Variants in FER1L6 observed in about 807,000 individuals in gnomAD.
FER1L6 encodes the protein fer-1 like family member 6.
In FER1L6, 177 loss-of-function variants were observed where a neutral mutation model predicts 219.2. The observed-to-expected ratio is 0.81, with a 90% CI of 0.71 to 0.91. The LOEUF (loss-of-function observed/expected upper bound fraction) is 0.91, where lower values mean the gene tolerates loss of function less well. Ranked by LOEUF, FER1L6 falls within the 40% of genes least tolerant of loss-of-function variation. The pLI is 0.00. For missense variants in FER1L6, 2,153 were observed against 2,259.9 expected (o/e 0.95, Z 0.96); for synonymous variants, 768 against 824.3 (o/e 0.93, Z 1.17).
At chr8:123,895,178 AAAATTAAG>A (rs1341456058) in intron 1 of FER1L6, among the ~76,000 whole-genome samples, 1 of 152,214 alleles carries the variant, frequency 6.6e-6, no homozygotes, top group African/African-American at 2.4e-5. Flanking sequence ...CAGACACATA[AAAATTAAG>A]AGATGTTTTA....
intron 19 of FER1L6, among the ~76,000 whole-genome samples, chr8:124,038,039 A>G (rs550128655): frequency 3.3e-5 from 5 of 152,336 alleles, no homozygotes; most frequent in African/African-American, 9.6e-5. Context: ...TCCTGTGCAC[A>G]GACTTTCAAG....
chr8:123,950,945 G>C (rs1295445766), intron 1 of FER1L6, among the ~76,000 whole-genome samples: 1 of 152,150 alleles, frequency 6.6e-6, no homozygotes, highest in Non-Finnish European at 1.5e-5. Flanking sequence ...AAATAGAGAA[G>C]GTAGCCAATT....
intron 17 of FER1L6, among the ~76,000 whole-genome samples, chr8:124,022,539 C>G (rs1283891780): frequency 6.6e-6 from 1 of 152,168 alleles, no homozygotes; most frequent in Non-Finnish European, 1.5e-5. Flanking sequence ...ATTCTAATTT[C>G]CTGTGCAATT....
At chr8:123,931,155 A>G (rs562392416) in intron 1 of FER1L6, among the ~76,000 whole-genome samples, 1 of 152,244 alleles carries the variant, frequency 6.6e-6, no homozygotes, top group Middle Eastern at 3.4e-3. Flanking sequence ...AGTATCTCTT[A>G]TTGTATCTCA....
chr8:124,113,259 A>T lies in FER1L6; in HGVS notation c.5290-5585A>T, dbSNP rs150805263. Among the ~76,000 whole-genome samples the T allele has an allele frequency of 6.4e-3, 973 of 152,046 alleles. 6 individuals carry two copies. Among genetic ancestry groups the T allele is most frequent in the African/African-American group, 0.018 (745 of 41,472 alleles). ...GATCAGCCATAGATCCACCACCAAGATTCAACACTTGCTAATATTTTGCCA... is the reference window on the plus strand; with the variant it reads ...GATCAGCCATAGATCCACCACCAAGTTTCAACACTTGCTAATATTTTGCCA... On this transcript the variant is annotated intron_variant, in intron 39 of 40. Coordinates refer to ENST00000522917, the MANE Select transcript of FER1L6 (RefSeq NM_001039112.2).
At chr8:123,955,907 C>A in intron 1 of FER1L6, 85 bp from the exon 2 acceptor site, 1 of 1,276,708 alleles carries the variant, frequency 7.8e-7, no homozygotes, top group Non-Finnish European at 1.1e-6. Context: ...CTTCATGAAG[C>A]TCGGTGTGTT....
At position 124,060,183 on chromosome 8, in the gene FER1L6, C is replaced by T; in HGVS notation, c.2878C>T (p.Pro960Ser). 6.2e-7 allele frequency: 1 copy of T among 1,613,472 alleles called. No individual in the cohort carries two copies. The highest frequency in any genetic ancestry group is 2.2e-5 in the East Asian group (1 of 44,854). The change falls in exon 23 of 41, where the codon CCT becomes TCT. Residue 960 changes from proline (P) to serine (S), a missense_variant. Pro to Ser is a moderately conservative substitution (Grantham distance 74). Transcript: ENST00000522917. ...LLAVFELLQVPPSGLQGLPPV... is the reference protein window; with the variant it reads ...LLAVFELLQVSPSGLQGLPPV... ...TCATACTTGCCTTGTGCGGTAGGTT[C>T]CTCCTTCTGGGCTGCAAGGCCTCCC...
Position 123,970,061 on chromosome 8 carries a change from C to T in FER1L6, c.411C>T (p.Pro137=), listed in dbSNP as rs75666983. The change falls in exon 6 of 41, where the codon CCC becomes CCT. Residue 137 remains proline, a synonymous_variant. Coordinates refer to ENST00000522917, the MANE Select transcript of FER1L6 (RefSeq NM_001039112.2). The part of the protein sequence containing the change: ...NEYFVFDFIG[P]QVHLFDKIIK... ...ACTTTGTCTTCGACTTCATTGGGCC[C>T]CAAGTGCATCTTTTTGACAAGATCA... 2,530 of 1,613,882 alleles carry T rather than the reference C, an allele frequency of 1.6e-3. 4 individuals are homozygous for T. The highest frequency in any genetic ancestry group is 2.0e-3 in the Non-Finnish European group (2,404 of 1,179,928).
At chr8:124,031,684 C>G (rs1189876228) in intron 18 of FER1L6, among the ~76,000 whole-genome samples, 2 of 152,100 alleles carry the variant, frequency 1.3e-5, no homozygotes, top group Non-Finnish European at 2.9e-5. Flanking sequence ...TATGGCTAAC[C>G]TGGGGGTGAA....
chr8:124,011,698 C>G (rs1306377402), intron 14 of FER1L6, among the ~76,000 whole-genome samples: 2 of 148,448 alleles, frequency 1.3e-5, no homozygotes, highest in Non-Finnish European at 3.0e-5. Context: ...GCTACTCAGG[C>G]TGGTCTGGAA....
In FER1L6 at chr8:123,980,652, G is replaced by C; in HGVS notation, c.1251G>C (p.Lys417Asn). ...GGGCACAGGAATCTAAATTTTCCAA[G>C]GCCCTGAAGGAGCTCAAGTTGCCTT... ...SGRAQESKFS[K>N]ALKELKLPSK... The change falls in exon 11 of 41, where the codon AAG (lysine) becomes AAC (asparagine). Residue 417 changes from lysine to asparagine, a missense_variant. By Grantham distance (94) the Lys-to-Asn change is moderately conservative (BLOSUM62 0). Coordinates refer to ENST00000522917, the MANE Select transcript of FER1L6 (RefSeq NM_001039112.2). 1 of 1,614,134 alleles carries C rather than the reference G, an allele frequency of 6.2e-7. No individual in the cohort carries two copies. Among genetic ancestry groups the C allele is most frequent in the Non-Finnish European group, 8.5e-7 (1 of 1,180,018 alleles).
chr8:123,881,475 A>G (rs1817109253), intron 1 of FER1L6, among the ~76,000 whole-genome samples: 1 of 152,212 alleles, frequency 6.6e-6, no homozygotes, highest in South Asian at 2.1e-4. Flanking sequence ...CCGAGTGAAG[A>G]GTGAGTTCCT....
chr8:123,990,377 G>A (rs779998433), intron 12 of FER1L6, among the ~76,000 whole-genome samples: 3 of 152,098 alleles, frequency 2.0e-5, no homozygotes, highest in South Asian at 2.1e-4. Flanking sequence ...CCACATTCAC[G>A]CCAACATCTA....
At position 124,003,451 on chromosome 8, in the gene FER1L6, C is replaced by CT. The variant is rs71289633; in HGVS notation, c.1700+134dup. On this transcript the variant is annotated intron_variant, in intron 13 of 40. Transcript: ENST00000522917. ...GTTCTTCACTAAAATCAGAAATGTC[C>CT]TTTTTTTTTTTTTTTTTTTTTTTTT... is the stretch of plus-strand genomic sequence containing the variant. 9.3e-3 allele frequency: 1,044 copies of CT among 111,668 alleles called. 73 individuals are homozygous for CT. Among genetic ancestry groups the CT allele is most frequent in the South Asian group, 0.016 (67 of 4,290 alleles). The allele number at this position is 111,668 out of a possible 1,614,324, so 6.9% of individuals were successfully genotyped here. A position where few individuals can be genotyped will look rare whatever the true frequency, so the allele number is the denominator to read the frequency against.
Position 124,007,272 on chromosome 8 carries a change from C to T in FER1L6, c.1701-3322C>T, listed in dbSNP as rs555448080. On this transcript the variant is annotated intron_variant, in intron 13 of 40. Coordinates refer to ENST00000522917, the MANE Select transcript of FER1L6 (RefSeq NM_001039112.2). ...TTGGAATGAAAACAAATGTCTCTCT[C>T]TCTCTTTCTCTCTCTCCCTCTCTCC... is the stretch of plus-strand genomic sequence containing the variant. Among the ~76,000 whole-genome samples, 18 of 152,094 alleles carry T rather than the reference C, an allele frequency of 1.2e-4. No homozygotes were observed. In the East Asian group the frequency reaches 2.7e-3, roughly 23 times the overall value.
chr8:123,906,784 T>C (rs1812960723), intron 1 of FER1L6, among the ~76,000 whole-genome samples: 1 of 144,116 alleles, frequency 6.9e-6, no homozygotes, highest in Admixed American at 7.2e-5. Flanking sequence ...TGCTGGGTAA[T>C]AGAGCAAGAC....
intron 1 of FER1L6, among the ~76,000 whole-genome samples, chr8:123,903,110 G>A (rs1274662216): frequency 6.6e-6 from 1 of 152,098 alleles, no homozygotes. Flanking sequence ...AGAGGAAATT[G>A]TTGCCAATTT....
At chr8:123,877,592 G>C (rs954180519) in intron 1 of FER1L6, among the ~76,000 whole-genome samples, 1 of 151,960 alleles carries the variant, frequency 6.6e-6, no homozygotes, top group African/African-American at 2.4e-5. Context: ...GGCAGTTTGG[G>C]GAACCGTTCT....
intron 4 of FER1L6, 31 bp downstream of exon 4, chr8:123,966,092 C>G (rs1271491121): frequency 6.2e-7 from 1 of 1,613,568 alleles, no homozygotes; most frequent in Admixed American, 1.7e-5. Flanking sequence ...GCCCAGCCTC[C>G]CCCAGTGCTT....
Sources: gnomAD v4.1 joint callset for allele counts (sites outside exome capture counted in the v4.1 genomes callset) on GRCh38, gnomAD v4.1.1 for gene constraint, MANE v1.5 for transcripts, NCBI Gene and HGNC (gene_info 2026-07-23, HGNC 2026-07-21) for gene names.